Variants in SRPK2 observed in about 807,000 individuals in gnomAD.
The protein encoded by SRPK2 is SRSF protein kinase 2, also known as SFRS protein kinase 2.
In SRPK2, 21 loss-of-function variants were observed where a neutral mutation model predicts 90.8. The observed-to-expected ratio is 0.23, with a 90% CI of 0.16 to 0.33. SRPK2 has a LOEUF of 0.33. Ranked by LOEUF, SRPK2 falls within the 10% of genes least tolerant of loss-of-function variation. The pLI is 1.00. For missense variants in SRPK2, 620 were observed against 869.0 expected (o/e 0.71, Z 3.60); for synonymous variants, 288 against 311.1 (o/e 0.93, Z 0.78).
chr7:105,308,622 A>G (rs1274523810), intron 2 of SRPK2, among the ~76,000 whole-genome samples: 1 of 152,184 alleles, frequency 6.6e-6, no homozygotes, highest in Non-Finnish European at 1.5e-5. Flanking sequence ...TGCAGTTCCT[A>G]AAGCACCCGA....
At chr7:105,172,231 A>G (rs1314727811) in intron 3 of SRPK2, among the ~76,000 whole-genome samples, 2 of 152,208 alleles carry the variant, frequency 1.3e-5, no homozygotes, top group East Asian at 3.8e-4. Context: ...TTAACATTCA[A>G]AGCAGGAAAT....
intron 2 of SRPK2, among the ~76,000 whole-genome samples, chr7:105,335,441 G>C (rs1216304466): frequency 6.6e-6 from 1 of 150,740 alleles, no homozygotes; most frequent in Non-Finnish European, 1.5e-5. Context: ...AGGAGAACTG[G>C]ATGAGCCTAG....
At chr7:105,386,407 T>C (rs891401014) in intron 2 of SRPK2, among the ~76,000 whole-genome samples, 5 of 151,702 alleles carry the variant, frequency 3.3e-5, no homozygotes, top group Non-Finnish European at 5.9e-5. Context: ...CATCAAACAG[T>C]TCTTTTAAAT....
At chr7:105,368,824 G>A (rs913295881) in intron 2 of SRPK2, among the ~76,000 whole-genome samples, 1 of 147,434 alleles carries the variant, frequency 6.8e-6, no homozygotes, top group Non-Finnish European at 1.5e-5. Flanking sequence ...GGCAGAGGTA[G>A]GAGTGAGCTG....
At chr7:105,326,907 CA>C (rs1323407310) in intron 2 of SRPK2, among the ~76,000 whole-genome samples, 1 of 151,808 alleles carries the variant, frequency 6.6e-6, no homozygotes, top group Admixed American at 6.6e-5. Context: ...ACTAAAAATA[CA>C]AAAAATTACC....
intron 7 of SRPK2, among the ~76,000 whole-genome samples, chr7:105,155,173 G>C (rs1482221821): frequency 6.6e-6 from 1 of 151,930 alleles, no homozygotes; most frequent in Non-Finnish European, 1.5e-5. Context: ...GTAGAGACAA[G>C]GTTTCACTAT....
chr7:105,353,368 C>CT (rs1817424987), intron 2 of SRPK2, among the ~76,000 whole-genome samples: 1 of 151,940 alleles, frequency 6.6e-6, no homozygotes, highest in African/African-American at 2.4e-5. Context: ...TTGAAACAGT[C>CT]TCCCTCTGTC....
chr7:105,297,360 G>T (rs1809958790), intron 2 of SRPK2: 2 of 582,236 alleles, frequency 3.4e-6, no homozygotes, highest in Admixed American at 6.3e-5. Context: ...GATCACAAGT[G>T]CTGGAAACAC....
At chr7:105,216,844 T>A (rs1797534036) in intron 2 of SRPK2, among the ~76,000 whole-genome samples, 1 of 152,086 alleles carries the variant, frequency 6.6e-6, no homozygotes, top group Non-Finnish European at 1.5e-5. Flanking sequence ...CACTTACCAA[T>A]CCATGAGAAC....
At chr7:105,363,043 G>T (rs976945521) in intron 2 of SRPK2, among the ~76,000 whole-genome samples, 5 of 152,014 alleles carry the variant, frequency 3.3e-5, no homozygotes, top group South Asian at 2.1e-4. Context: ...GTCGTGGGGT[G>T]GGGGGAGAGG....
At chr7:105,147,558 C>A (rs572769095) in intron 7 of SRPK2, among the ~76,000 whole-genome samples, 2 of 152,132 alleles carry the variant, frequency 1.3e-5, no homozygotes, top group Admixed American at 1.3e-4. Flanking sequence ...ACCTTGTGAT[C>A]CACCTGTCTC....
chr7:105,315,936 T>C (rs1234314023), intron 2 of SRPK2, among the ~76,000 whole-genome samples: 1 of 152,180 alleles, frequency 6.6e-6, no homozygotes, highest in East Asian at 1.9e-4. Flanking sequence ...TTTTCTGTAG[T>C]TACTACCTGT....
At chr7:105,294,448 C>G (rs1260368874) in intron 2 of SRPK2, among the ~76,000 whole-genome samples, 1 of 152,140 alleles carries the variant, frequency 6.6e-6, no homozygotes, top group African/African-American at 2.4e-5. Context: ...AGGCTACCAT[C>G]CCTTGTGAGG....
intron 2 of SRPK2, among the ~76,000 whole-genome samples, chr7:105,348,580 T>C (rs913842781): frequency 1.3e-4 from 20 of 151,806 alleles, no homozygotes; most frequent in Non-Finnish European, 1.9e-4. Context: ...CCCGCCATCA[T>C]GCCGGACTAA....
chr7:105,171,552 T>C (rs1211425525), intron 3 of SRPK2, among the ~76,000 whole-genome samples: 1 of 152,244 alleles, frequency 6.6e-6, no homozygotes, highest in Non-Finnish European at 1.5e-5. Context: ...CTAGAGCAGT[T>C]ATAGGAAGTA....
intron 2 of SRPK2, among the ~76,000 whole-genome samples, chr7:105,261,022 TAAAAAAAAA>T (rs72277307): frequency 8.6e-6 from 1 of 116,038 alleles, no homozygotes. Flanking sequence ...CCCTAGAAAT[TAAAAAAAAA>T]AAAAAAAAAA....
chr7:105,139,260 T>TAA (rs2129576076), intron 11 of SRPK2, among the ~76,000 whole-genome samples: 1 of 152,144 alleles, frequency 6.6e-6, no homozygotes, highest in African/African-American at 2.4e-5. Context: ...GGAGAAAAGC[T>TAA]GGAGAGAACA....
intron 3 of SRPK2, among the ~76,000 whole-genome samples, chr7:105,190,997 A>G (rs745380446): frequency 2.6e-5 from 4 of 152,142 alleles, no homozygotes; most frequent in African/African-American, 9.7e-5. Flanking sequence ...ATGTTACACT[A>G]TTTTTTTCTA....
At chr7:105,256,829 C>T (rs1417285244) in intron 2 of SRPK2, among the ~76,000 whole-genome samples, 1 of 152,184 alleles carries the variant, frequency 6.6e-6, no homozygotes, top group South Asian at 2.1e-4. Context: ...TTTCTGTGCT[C>T]CCCACCTGGC....
Sources: gnomAD v4.1 joint callset for allele counts (sites outside exome capture counted in the v4.1 genomes callset) on GRCh38, gnomAD v4.1.1 for gene constraint, MANE v1.5 for transcripts, NCBI Gene and HGNC (gene_info 2026-07-23, HGNC 2026-07-21) for gene names.